The following MCUR1 variants were observed in gnomAD, a reference collection of about 807,000 sequenced individuals.
The protein encoded by MCUR1 is mitochondrial calcium uniporter regulator 1.
A neutral mutation model predicts 42.0 loss-of-function variants in MCUR1; 37 were observed. The ratio of observed to expected loss-of-function variants is 0.88; its 90% confidence interval spans 0.68 to 1.16. The LOEUF (loss-of-function observed/expected upper bound fraction) is 1.16. MCUR1 is among the 50% of genes most tolerant of loss of function. The probability of loss-of-function intolerance (pLI) is 0.00; values close to 1 mark genes in which losing one functional copy is unlikely to be tolerated. For synonymous variants in MCUR1, 229 were observed against 196.2 expected, an observed-to-expected ratio of 1.17 and a Z score of -1.40; for missense variants, 469 against 468.4, an observed-to-expected ratio of 1.00 and a Z score of -0.01.
At chr6:13,795,068 T>C (rs556316254) in intron 6 of MCUR1, among the ~76,000 whole-genome samples, 3 of 148,664 alleles carry the variant, frequency 2.0e-5, no homozygotes, top group Admixed American at 6.7e-5. Flanking sequence ...TTGAAGTATA[T>C]AGAAACTTCC....
chr6:13,794,635 T>TC (rs1352508933), intron 6 of MCUR1, among the ~76,000 whole-genome samples: 1 of 94,716 alleles, frequency 1.1e-5, no homozygotes, highest in African/African-American at 5.8e-5. Context: ...CATCACATGT[T>TC]GGGTTTTTTT....
At chr6:13,808,515 G>GT (rs1760159681) in intron 1 of MCUR1, among the ~76,000 whole-genome samples, 1 of 152,132 alleles carries the variant, frequency 6.6e-6, no homozygotes. Context: ...CAATTGATCT[G>GT]TTTTTTCTTT....
Position 13,790,684 on chromosome 6 carries a change from C to T in MCUR1, c.*125G>A. The T allele has an allele frequency of 1.6e-5, 10 of 611,860 alleles. 1 individual carries two copies. The South Asian group carries it at 1.8e-4, about 11-fold the overall frequency. The allele number at this position is 611,860 out of a possible 1,614,324, so 37.9% of individuals were successfully genotyped here. On this transcript the variant is annotated 3_prime_UTR_variant, in exon 9 of 9. Transcript: ENST00000379170. ...GCCAGGCTGGTCTCGAACTCCTGAC[C>T]TCAGGTAATCCACCTGCCTCAGCCT...
intron 5 of MCUR1, among the ~76,000 whole-genome samples, chr6:13,799,738 G>A (rs1254027868): frequency 1.3e-5 from 2 of 151,106 alleles, no homozygotes; most frequent in Non-Finnish European, 2.9e-5. Context: ...TCTAAAGACA[G>A]TCTAAGAGAA....
Position 13,806,905 on chromosome 6 carries a change from G to T in MCUR1, c.535+20C>A. On this transcript the variant is annotated intron_variant, in intron 2 of 8. Transcript: ENST00000379170. ...AAAGTGTTTTTCTAAGGCACTAAATGACGAATGACAGAGGATTACCATTGT... is the reference window on the plus strand; with the variant it reads ...AAAGTGTTTTTCTAAGGCACTAAATTACGAATGACAGAGGATTACCATTGT... 6.4e-7 allele frequency: 1 copy of T among 1,567,862 alleles called. No homozygotes were observed. Among genetic ancestry groups the T allele is most frequent in the South Asian group, 1.2e-5 (1 of 85,914 alleles).
intron 1 of MCUR1, among the ~76,000 whole-genome samples, chr6:13,813,047 G>A (rs909227159): frequency 1.3e-5 from 2 of 152,088 alleles, no homozygotes; most frequent in African/African-American, 4.8e-5. Flanking sequence ...ATTTAGATGC[G>A]CAAATACCAT....
At position 13,806,975 on chromosome 6, in the gene MCUR1, C is replaced by A; in HGVS notation, c.485G>T (p.Arg162Met). The A allele has an allele frequency of 6.2e-7, 1 of 1,613,600 alleles. No homozygotes were observed. ...GGCATGAGTGTCGAAGTAGAGTTTC[C>A]TGCTCCCAGAAGAGGTGAAATCTCT... is the stretch of plus-strand genomic sequence containing the variant. ...KRRDFTSSGSRKLYFDTHALV... is the reference protein window; with the variant it reads ...KRRDFTSSGSMKLYFDTHALV... The change falls in exon 2 of 9, where the codon AGG becomes ATG. Residue 162 changes from arginine to methionine, a missense_variant. Arg to Met is a moderately conservative substitution (Grantham distance 91, BLOSUM62 -1). Transcript: ENST00000379170.
At chr6:13,799,918 G>A (rs764286137) in intron 5 of MCUR1, among the ~76,000 whole-genome samples, 1 of 139,134 alleles carries the variant, frequency 7.2e-6, no homozygotes, top group Non-Finnish European at 1.5e-5. Context: ...TGCAACCTCT[G>A]CTTCCTGGGT....
At chr6:13,795,177 C>T (rs1759828870) in intron 6 of MCUR1, among the ~76,000 whole-genome samples, 1 of 150,772 alleles carries the variant, frequency 6.6e-6, no homozygotes, top group African/African-American at 2.4e-5. Context: ...AACAAAAAAC[C>T]CCAAAACCCT....
chr6:13,789,363 T>C lies in MCUR1; in HGVS notation c.*1446A>G, dbSNP rs548596991. On this transcript the variant is annotated 3_prime_UTR_variant, in exon 9 of 9. Transcript: ENST00000379170. ...TTGCAGTGAGCAGAGATCACGACAA[T>C]GCACTCCAGCCCTGCGACAGTGCGA... The C allele has an allele frequency of 1.3e-4, 19 of 150,288 alleles. No homozygotes were observed. The highest frequency in any genetic ancestry group is 4.0e-4 in the Admixed American group (6 of 14,988). 9.3% of individuals were successfully genotyped at this position (150,288 alleles called of 1,614,324 possible). A position where few individuals can be genotyped will look rare whatever the true frequency, so the allele number is the denominator to read the frequency against.
chr6:13,807,700 G>C (rs1760141144), intron 1 of MCUR1, among the ~76,000 whole-genome samples: 1 of 152,204 alleles, frequency 6.6e-6, no homozygotes. Context: ...GCAACTGCCA[G>C]ACTGTTTTCC....
intron 2 of MCUR1, among the ~76,000 whole-genome samples, chr6:13,804,486 A>G (rs1760071015): frequency 6.6e-6 from 1 of 151,388 alleles, no homozygotes; most frequent in Non-Finnish European, 1.5e-5. Flanking sequence ...GAAAAAGTAG[A>G]AGTCTTGGCC....
chr6:13,799,804 A>C (rs1759948068), intron 5 of MCUR1, among the ~76,000 whole-genome samples: 2 of 149,720 alleles, frequency 1.3e-5, no homozygotes, highest in Admixed American at 6.7e-5. Flanking sequence ...AAAATGACTT[A>C]ATTCCTCCTA....
intron 2 of MCUR1, chr6:13,804,040 A>G (rs1760051829): frequency 2.0e-6 from 2 of 976,672 alleles, no homozygotes; most frequent in African/African-American, 1.8e-5. Context: ...AGGTTTGGCA[A>G]CTGGACACAG....
intron 7 of MCUR1, among the ~76,000 whole-genome samples, 184 bp downstream of exon 7, chr6:13,793,705 TACTGA>T (rs1309203184): frequency 3.9e-5 from 6 of 152,230 alleles, no homozygotes; most frequent in Non-Finnish European, 1.5e-5. Context: ...ACTTTAAATG[TACTGA>T]ACTGTACACT....
intron 2 of MCUR1, among the ~76,000 whole-genome samples, chr6:13,804,724 A>G (rs1252871893): frequency 7.2e-6 from 1 of 138,264 alleles, no homozygotes; most frequent in African/African-American, 2.7e-5. Flanking sequence ...CGGGAGGTGG[A>G]GCTTGCAGTG....
At chr6:13,792,484 T>C (rs1169082035) in intron 7 of MCUR1, among the ~76,000 whole-genome samples, 1 of 152,204 alleles carries the variant, frequency 6.6e-6, no homozygotes, top group African/African-American at 2.4e-5. Context: ...TCTTGAGCTA[T>C]TTCTAGTCAT....
chr6:13,803,856 G>A (rs541379688), intron 2 of MCUR1: 1 of 985,324 alleles, frequency 1.0e-6, no homozygotes, highest in South Asian at 4.7e-5. Flanking sequence ...TCACTGGCTG[G>A]GTGTGGTGGC....
chr6:13,811,170 G>A (rs779674925), intron 1 of MCUR1, among the ~76,000 whole-genome samples: 2 of 152,006 alleles, frequency 1.3e-5, no homozygotes, highest in Non-Finnish European at 2.9e-5. Context: ...AACCTTTATT[G>A]AGCCCATACC....
Sources: gnomAD v4.1 joint callset for allele counts (sites outside exome capture counted in the v4.1 genomes callset) on GRCh38, gnomAD v4.1.1 for gene constraint, MANE v1.5 for transcripts, NCBI Gene and HGNC (gene_info 2026-07-23, HGNC 2026-07-21) for gene names.